Variants in EPHA4 observed in about 807,000 individuals in gnomAD.
EPHA4 encodes the protein EPH receptor A4, also known as ephrin type-A receptor 4.
In EPHA4, 19 loss-of-function variants were observed where a neutral mutation model predicts 108.3. That is an observed-to-expected ratio of 0.18 (90% CI 0.12 to 0.26). The LOEUF (loss-of-function observed/expected upper bound fraction) is 0.26, where lower values mean the gene tolerates loss of function less well. Ranked by LOEUF, EPHA4 falls within the 10% of genes least tolerant of loss-of-function variation. The pLI, the probability that EPHA4 is intolerant of heterozygous loss-of-function variation, is 1.00. For missense variants in EPHA4, 917 were observed against 1,254.0 expected (o/e 0.73, Z 4.06); for synonymous variants, 449 against 455.5 (o/e 0.99, Z 0.18).
chr2:221,501,318 A>C, intron 3 of EPHA4, 146 bp from the exon 4 acceptor site: 1 of 626,264 alleles, frequency 1.6e-6, no homozygotes, highest in South Asian at 3.0e-5. Context: ...CAGGTCATGC[A>C]ACCAAAAGCA....
At chr2:221,491,308 T>C (rs1299157726) in intron 4 of EPHA4, among the ~76,000 whole-genome samples, 1 of 152,266 alleles carries the variant, frequency 6.6e-6, no homozygotes, top group Middle Eastern at 3.2e-3. Context: ...TGCATTAATT[T>C]ACTTTCCTTG....
chr2:221,488,699 A>G (rs890761085), intron 4 of EPHA4, among the ~76,000 whole-genome samples: 3 of 152,200 alleles, frequency 2.0e-5, no homozygotes, highest in African/African-American at 7.2e-5. Flanking sequence ...AAGGGCTATC[A>G]TATCATATTA....
At chr2:221,573,642 G>C (rs762854167), upstream of EPHA4, 1 of 152,224 alleles carries the variant, frequency 6.6e-6, no homozygotes, top group Non-Finnish European at 1.5e-5. The surrounding 1 kb of genome is among the most constrained non-coding windows in gnomAD (Gnocchi z 4.5). Flanking sequence ...GCCGCTGGGA[G>C]GTGGAGGAGC....
intron 14 of EPHA4, 70 bp downstream of exon 14, chr2:221,434,072 C>T: frequency 6.6e-7 from 1 of 1,516,926 alleles, no homozygotes; most frequent in East Asian, 2.3e-5. Flanking sequence ...GTGCCCACTC[C>T]ATCATACAGT....
intron 3 of EPHA4, among the ~76,000 whole-genome samples, chr2:221,505,734 G>C (rs181645478): frequency 6.6e-6 from 1 of 152,084 alleles, no homozygotes; most frequent in Non-Finnish European, 1.5e-5. Context: ...TAAGTATTGC[G>C]TGTGTGCTGC....
chr2:221,452,325 C>T (rs185950213), intron 8 of EPHA4, among the ~76,000 whole-genome samples: 278 of 152,368 alleles, frequency 1.8e-3, no homozygotes, highest in Non-Finnish European at 3.5e-3. Flanking sequence ...GTTGCTTTCT[C>T]ATACTACTGG....
chr2:221,457,779 AG>A, intron 6 of EPHA4, 86 bp downstream of exon 6: 1 of 1,395,368 alleles, frequency 7.2e-7, no homozygotes, highest in South Asian at 1.3e-5. Context: ...AGAGGGAGGG[AG>A]GGAGGGAAGG....
intron 5 of EPHA4, among the ~76,000 whole-genome samples, chr2:221,475,132 A>T (rs1274142224): frequency 6.6e-6 from 1 of 152,222 alleles, no homozygotes; most frequent in African/African-American, 2.4e-5. Flanking sequence ...TAGCCTCCCA[A>T]AGTACTGGGA....
chr2:221,572,328 A>G (rs938091421), upstream of EPHA4: 7 of 1,325,320 alleles, frequency 5.3e-6, no homozygotes, highest in Non-Finnish European at 5.3e-6. Flanking sequence ...AGCGGGCTGA[A>G]GACATTGCCA....
intron 3 of EPHA4, among the ~76,000 whole-genome samples, chr2:221,516,506 C>T (rs1029866635): frequency 2.6e-5 from 4 of 152,116 alleles, no homozygotes; most frequent in South Asian, 2.1e-4. Context: ...AGGCGTCCGC[C>T]GCGACCCCTG....
At chr2:221,431,072 G>A (rs1690062703) in intron 14 of EPHA4, among the ~76,000 whole-genome samples, 1 of 152,140 alleles carries the variant, frequency 6.6e-6, no homozygotes, top group Non-Finnish European at 1.5e-5. Context: ...CTGCTTTGGG[G>A]TATAAATTCC....
chr2:221,474,454 T>C (rs1036331446), intron 5 of EPHA4, among the ~76,000 whole-genome samples: 1 of 152,064 alleles, frequency 6.6e-6, no homozygotes, highest in Non-Finnish European at 1.5e-5. Context: ...GCATGTTGTT[T>C]TTAAATGTGC....
intron 5 of EPHA4, among the ~76,000 whole-genome samples, chr2:221,464,130 CT>C (rs1316683980): frequency 2.0e-5 from 3 of 152,142 alleles, no homozygotes; most frequent in African/African-American, 7.2e-5. Flanking sequence ...GGAGAGATGG[CT>C]TCTTAACCAC....
chr2:221,560,028 T>A (rs1357752242), intron 3 of EPHA4, among the ~76,000 whole-genome samples: 1 of 152,166 alleles, frequency 6.6e-6, no homozygotes, highest in East Asian at 1.9e-4. Flanking sequence ...CAAGAGGAAG[T>A]GTAGTTCTGT....
intron 3 of EPHA4, among the ~76,000 whole-genome samples, chr2:221,509,764 A>T (rs1006749259): frequency 1.1e-4 from 16 of 152,338 alleles, no homozygotes; most frequent in African/African-American, 3.6e-4. Flanking sequence ...AAAATAAACT[A>T]CAAACAAATC....
intron 4 of EPHA4, among the ~76,000 whole-genome samples, chr2:221,492,364 C>A (rs762584772): frequency 7.2e-5 from 11 of 152,036 alleles, no homozygotes; most frequent in Non-Finnish European, 1.3e-4. Context: ...GCTAAAACAG[C>A]ATTTTTTTAA....
At chr2:221,560,580 C>G (rs534795522) in intron 3 of EPHA4, among the ~76,000 whole-genome samples, 2 of 152,122 alleles carry the variant, frequency 1.3e-5, no homozygotes, top group Non-Finnish European at 2.9e-5. Context: ...TTCAACTCAA[C>G]GCTCTTAAAA....
chr2:221,446,995 T>C (rs1375582278), intron 8 of EPHA4, among the ~76,000 whole-genome samples: 1 of 152,210 alleles, frequency 6.6e-6, no homozygotes, highest in Admixed American at 6.5e-5. Flanking sequence ...TCAGTACACA[T>C]AAATATTCAA....
chr2:221,559,672 T>C (rs1002531561), intron 3 of EPHA4, among the ~76,000 whole-genome samples: 3 of 152,216 alleles, frequency 2.0e-5, no homozygotes, highest in African/African-American at 4.8e-5. Context: ...CATTTCTTCA[T>C]TAGGGGTATG....
Sources: gnomAD v4.1 joint callset for allele counts (sites outside exome capture counted in the v4.1 genomes callset) on GRCh38, gnomAD v4.1.1 for gene constraint, Gnocchi (gnomAD v3.1) non-coding constraint, MANE v1.5 for transcripts, NCBI Gene and HGNC (gene_info 2026-07-23, HGNC 2026-07-21) for gene names.